USP31: variants seen among roughly 807,000 people sequenced by gnomAD.
USP31 encodes the protein ubiquitin specific peptidase 31, also known as ubiquitin carboxyl-terminal hydrolase 31.
In USP31, 44 loss-of-function variants were observed where a neutral mutation model predicts 119.4. The observed-to-expected ratio is 0.37, with a 90% confidence interval of 0.29 to 0.47. USP31 has a LOEUF of 0.47. USP31 is among the 20% of genes least tolerant of loss of function. The probability of loss-of-function intolerance (pLI) is 0.99; values close to 1 mark genes in which losing one functional copy is unlikely to be tolerated. For missense variants in USP31, 1,643 were observed against 1,730.2 expected (o/e 0.95, Z 0.89); for synonymous variants, 749 against 705.6 (o/e 1.06, Z -0.97).
Position 23,080,027 on chromosome 16 carries a change from C to T in USP31, c.2095G>A (p.Gly699Arg), listed in dbSNP as rs764263014. 8.1e-6 allele frequency: 13 copies of T among 1,614,086 alleles called. No individual in the cohort carries two copies. The East Asian group carries it at 1.6e-4, about 19-fold the overall frequency. Residue 699 changes from glycine (G) to arginine (R), a missense_variant, in exon 13 of 16, where the codon GGG (glycine) becomes AGG (arginine). Gly to Arg is a moderately radical substitution (Grantham distance 125). Transcript: ENST00000219689. ...WSPWRRPYGL[G>R]RDPEDYIYDL... ...TAGATGTAGTCCTCAGGGTCCCTCCCGAGTCCATAGGGCCGTCTCCACGGG... is the reference window on the plus strand; with the variant it reads ...TAGATGTAGTCCTCAGGGTCCCTCCTGAGTCCATAGGGCCGTCTCCACGGG...
In USP31 at chr16:23,068,555, C is replaced by T. The variant is rs746059576; in HGVS notation, c.3550G>A (p.Ala1184Thr). Residue 1184 changes from alanine (A) to threonine (T), a missense_variant, in exon 16 of 16, where the codon GCC becomes ACC. Physicochemically the swap from Ala to Thr is moderately conservative, Grantham distance 58. Transcript: ENST00000219689. ...SKPNSPRVSQ[A>T]RAGEGRGAGK... ...GCCCCCCTGCCCTCCCCTGCTCGGG[C>T]CTGGCTCACCCGAGGGGAATTGGGT... 6 of 1,613,930 alleles carry T rather than the reference C, an allele frequency of 3.7e-6. No homozygotes were observed. The highest frequency in any genetic ancestry group is 2.2e-5 in the East Asian group (1 of 44,874).
chr16:23,073,828 A>T lies in USP31; in HGVS notation c.2229T>A (p.Asp743Glu), dbSNP rs1900445519. ...DGLWYCFDDS[D>E]VQQLSEDEVC... is the part of the protein sequence containing the mutation. ...CCTCATCTTCTGACAGCTGCTGCAC[A>T]TCGCTGTCATCGAAGCAGTACCAGA... Residue 743 changes from aspartate to glutamate, a missense_variant, in exon 14 of 16, where the codon GAT (aspartate) becomes GAA (glutamate). Physicochemically the swap from Asp to Glu is conservative, Grantham distance 45 (BLOSUM62 2). Coordinates refer to ENST00000219689, the MANE Select transcript of USP31 (RefSeq NM_020718.4). The T allele has an allele frequency of 3.1e-6, 5 of 1,614,066 alleles. No individual in the cohort carries two copies. Among genetic ancestry groups the T allele is most frequent in the Admixed American group, 1.7e-5 (1 of 60,006 alleles).
intron 2 of USP31, 43 bp downstream of exon 2, chr16:23,108,003 T>A (rs1317177538): frequency 1.3e-6 from 2 of 1,572,490 alleles, no homozygotes; most frequent in Admixed American, 1.9e-5. Context: ...ATCTACACAC[T>A]CTCATGGCTG....
At position 23,065,786 on chromosome 16, in the gene USP31, CTA is replaced by C. The variant is rs577151877; in HGVS notation, c.*2258_*2259del. The C allele has an allele frequency of 2.8e-4, 43 of 151,766 alleles. No individual in the cohort carries two copies. Among genetic ancestry groups the C allele is most frequent in the African/African-American group, 1.0e-3 (42 of 41,362 alleles). The allele number at this position is 151,766 out of a possible 1,614,324, so 9.4% of individuals were successfully genotyped here. A position where few individuals can be genotyped will look rare whatever the true frequency, so the allele number is the denominator to read the frequency against. On this transcript the variant is annotated 3_prime_UTR_variant, in exon 16 of 16. Transcript: ENST00000219689. ...AATATTTACCACTGTGAAAATTAAA[CTA>C]GTTTCTATTAATGCTTGACTACAGC...
intron 13 of USP31, among the ~76,000 whole-genome samples, chr16:23,075,851 C>G (rs903336840): frequency 1.3e-5 from 2 of 152,178 alleles, no homozygotes; most frequent in East Asian, 3.8e-4. Flanking sequence ...CTTTGTGAGG[C>G]TGAGGCAGAG....
At position 23,068,332 on chromosome 16, in the gene USP31, G is replaced by C; in HGVS notation, c.3773C>G (p.Ser1258Cys). The change falls in exon 16 of 16, where the codon TCT (serine) becomes TGT (cysteine). Residue 1258 changes from serine (S) to cysteine (C), a missense_variant. By Grantham distance (112) the Ser-to-Cys change is moderately radical. This residue lies in a region of USP31 where 699 missense variants were observed against 650.9 expected (regional missense o/e 1.07). Coordinates refer to ENST00000219689, the MANE Select transcript of USP31 (RefSeq NM_020718.4). ...GGTGTTCTTACAGACAGACTTAACA[G>C]AGCTCCCACCAGCCTTTTTAGAGAG... is the stretch of plus-strand genomic sequence containing the variant. ...ALLSKKAGGS[S>C]VKSVCKNTGD... is the part of the protein sequence containing the mutation. 1.9e-6 allele frequency: 3 copies of C among 1,614,138 alleles called. No individual in the cohort carries two copies. Among genetic ancestry groups the C allele is most frequent in the Non-Finnish European group, 2.5e-6 (3 of 1,179,998 alleles).
Position 23,068,187 on chromosome 16 carries a change from C to T in USP31, c.3918G>A (p.Leu1306=). 2 of 1,614,142 alleles carry T rather than the reference C, an allele frequency of 1.2e-6. No homozygotes were observed. Among genetic ancestry groups the T allele is most frequent in the South Asian group, 2.2e-5 (2 of 91,076 alleles). ...GGGAAGACTTGGATTTGCGAGCGGA[C>T]AGCAGGGAATGTTTGGCAGAAGCAG... ...KDPASAKHSL[L]SARKSKSSQL... The change falls in exon 16 of 16, where the codon CTG becomes CTA. Residue 1306 remains leucine, a synonymous_variant. Transcript: ENST00000219689.
At chr16:23,148,468 T>G (rs1362828926) in intron 1 of USP31, among the ~76,000 whole-genome samples, 170 bp downstream of exon 1, 3 of 152,178 alleles carry the variant, frequency 2.0e-5, no homozygotes, top group Non-Finnish European at 4.4e-5. Context: ...AGTGAATAAA[T>G]GAATGAATGA....
intron 1 of USP31, among the ~76,000 whole-genome samples, chr16:23,134,670 A>C (rs905796064): frequency 1.0e-4 from 15 of 144,842 alleles, no homozygotes; most frequent in Non-Finnish European, 1.8e-4. Context: ...AGTAGAAACA[A>C]AGCTAAAAAA....
In USP31 at chr16:23,067,994, G is replaced by A; in HGVS notation, c.*52C>T. On this transcript the variant is annotated 3_prime_UTR_variant, in exon 16 of 16. Coordinates refer to ENST00000219689, the MANE Select transcript of USP31 (RefSeq NM_020718.4). Reference sequence around the variant, plus strand: ...AGGAGGCTTTGGTGGGAGGGCAGGGGTTCTAAATAAATAAACATCTTTACA... The same window carrying A: ...AGGAGGCTTTGGTGGGAGGGCAGGGATTCTAAATAAATAAACATCTTTACA... 1 of 1,542,762 alleles carries A rather than the reference G, an allele frequency of 6.5e-7. No individual in the cohort carries two copies. Among genetic ancestry groups the A allele is most frequent in the Non-Finnish European group, 8.7e-7 (1 of 1,149,132 alleles).
intron 1 of USP31, among the ~76,000 whole-genome samples, chr16:23,143,587 G>GGT (rs1903415914): frequency 7.6e-6 from 1 of 130,730 alleles, no homozygotes; most frequent in African/African-American, 2.7e-5. Flanking sequence ...GGAGAGGTTG[G>GGT]GGGGGGGGAG....
At chr16:23,088,290 C>G (rs1053037802) in intron 7 of USP31, among the ~76,000 whole-genome samples, 8 of 152,176 alleles carry the variant, frequency 5.3e-5, no homozygotes, top group African/African-American at 1.9e-4. Context: ...AAGTCAGCTC[C>G]AGAGCTATGT....
At chr16:23,138,131 A>G (rs1292578989) in intron 1 of USP31, among the ~76,000 whole-genome samples, 1 of 152,210 alleles carries the variant, frequency 6.6e-6, no homozygotes, top group Non-Finnish European at 1.5e-5. Flanking sequence ...AAAGAACCAA[A>G]CTAGGTCAAA....
At chr16:23,101,988 A>C (rs571618816) in intron 6 of USP31, among the ~76,000 whole-genome samples, 1 of 149,430 alleles carries the variant, frequency 6.7e-6, no homozygotes, top group South Asian at 2.1e-4. Context: ...AAAAAAAAAA[A>C]AAAAAAACCT....
chr16:23,107,921 G>T, intron 2 of USP31, 125 bp downstream of exon 2: 1 of 1,187,620 alleles, frequency 8.4e-7, no homozygotes, highest in East Asian at 2.7e-5. Context: ...AGTAGCCACT[G>T]AATCTTATAC....
chr16:23,101,083 T>C (rs919340735), intron 6 of USP31, among the ~76,000 whole-genome samples: 6 of 152,148 alleles, frequency 3.9e-5, no homozygotes, highest in Admixed American at 2.6e-4. Context: ...GGTAAATCAA[T>C]AGCATGTAAC....
At chr16:23,123,280 G>C (rs1019663916) in intron 1 of USP31, among the ~76,000 whole-genome samples, 1 of 152,182 alleles carries the variant, frequency 6.6e-6, no homozygotes, top group Non-Finnish European at 1.5e-5. Context: ...GCTCACGCCT[G>C]TAATCCTCGG....
At chr16:23,069,653 A>C in intron 15 of USP31, 37 bp from the exon 16 acceptor site, 1 of 1,554,392 alleles carries the variant, frequency 6.4e-7, no homozygotes, top group South Asian at 1.2e-5. Flanking sequence ...AAGTTAAGCC[A>C]ATGAAGACAT....
rs564943926 is a variant in USP31, at chr16:23,090,489, A to G, written c.1415+135T>C. On this transcript the variant is annotated intron_variant, in intron 7 of 15. Transcript: ENST00000219689. ...CCCCCCAAATCAGGTCAACTTGTAC[A>G]TGTATTCTTTCTAAATATCAGAATC... 1.9e-5 allele frequency: 18 copies of G among 932,044 alleles called. No individual in the cohort carries two copies. In the African/African-American group the frequency reaches 2.6e-4, roughly 14 times the overall value. 57.7% of individuals were successfully genotyped at this position (932,044 alleles called of 1,614,324 possible). A position where few individuals can be genotyped will look rare whatever the true frequency, so the allele number is the denominator to read the frequency against.
Sources: gnomAD v4.1 joint callset for allele counts (sites outside exome capture counted in the v4.1 genomes callset) on GRCh38, gnomAD v4.1.1 for gene constraint, gnomAD v4.1.1 regional missense constraint, MANE v1.5 for transcripts, NCBI Gene and HGNC (gene_info 2026-07-23, HGNC 2026-07-21) for gene names.